The following SLCO6A1 variants were observed in gnomAD, a reference collection of about 807,000 sequenced individuals.
SLCO6A1 encodes solute carrier organic anion transporter family member 6A1.
Under a neutral mutation model 72.7 loss-of-function variants are expected in SLCO6A1, and 65 were observed. The ratio of observed to expected loss-of-function variants is 0.89; its 90% confidence interval spans 0.73 to 1.10. The LOEUF (loss-of-function observed/expected upper bound fraction) is 1.10. Among genes scored for constraint, SLCO6A1 ranks in the 50% least tolerant of loss-of-function variants. The pLI, the probability that SLCO6A1 is intolerant of heterozygous loss-of-function variation, is 0.00. For missense variants in SLCO6A1, 874 were observed against 872.6 expected, an observed-to-expected ratio of 1.00 and a Z score of -0.02; for synonymous variants, 314 against 298.2, an observed-to-expected ratio of 1.05 and a Z score of -0.55.
chr5:102,471,277 T>G (rs1376892422), intron 4 of SLCO6A1, among the ~76,000 whole-genome samples: 1 of 152,052 alleles, frequency 6.6e-6, no homozygotes, highest in Non-Finnish European at 1.5e-5. Context: ...TTTTCCAGTC[T>G]TGCTCTAAGT....
chr5:102,457,237 C>A (rs1032924124), intron 6 of SLCO6A1, among the ~76,000 whole-genome samples: 10 of 151,832 alleles, frequency 6.6e-5, no homozygotes, highest in Middle Eastern at 6.8e-3. Flanking sequence ...GCAACAAAAG[C>A]CAAAATTGAC....
intron 7 of SLCO6A1, among the ~76,000 whole-genome samples, chr5:102,420,934 G>C (rs1373754674): frequency 6.6e-6 from 1 of 152,102 alleles, no homozygotes; most frequent in East Asian, 1.9e-4. Context: ...ATCTCACCGG[G>C]ACTCATTAGA....
intron 10 of SLCO6A1, among the ~76,000 whole-genome samples, chr5:102,392,854 TC>T (rs963929774): frequency 1.3e-5 from 2 of 152,118 alleles, no homozygotes; most frequent in African/African-American, 4.8e-5. Flanking sequence ...TTAATCCATA[TC>T]TTTCTTATAA....
intron 1 of SLCO6A1, among the ~76,000 whole-genome samples, chr5:102,480,667 A>G (rs1162346138): frequency 6.6e-6 from 1 of 152,170 alleles, no homozygotes; most frequent in Non-Finnish European, 1.5e-5. Flanking sequence ...TCTCTGAGTA[A>G]TTTCCTAAAG....
At chr5:102,395,197 G>A (rs1262846222) in intron 10 of SLCO6A1, among the ~76,000 whole-genome samples, 1 of 132,724 alleles carries the variant, frequency 7.5e-6, no homozygotes, top group African/African-American at 2.8e-5. Flanking sequence ...CACCTCCCCC[G>A]ACCCCACAAC....
chr5:102,439,580 T>C (rs2112683238), intron 6 of SLCO6A1, among the ~76,000 whole-genome samples: 1 of 152,270 alleles, frequency 6.6e-6, no homozygotes, highest in East Asian at 1.9e-4. Flanking sequence ...CATAGTGTGA[T>C]TCTGCCATAT....
intron 12 of SLCO6A1, among the ~76,000 whole-genome samples, chr5:102,387,275 A>G (rs1008726672): frequency 6.6e-6 from 1 of 152,172 alleles, no homozygotes; most frequent in Non-Finnish European, 1.5e-5. Flanking sequence ...ACACATGCAT[A>G]ATGTTGCAGT....
At chr5:102,483,587 T>C (rs1752313560) in intron 1 of SLCO6A1, among the ~76,000 whole-genome samples, 1 of 152,212 alleles carries the variant, frequency 6.6e-6, no homozygotes, top group Non-Finnish European at 1.5e-5. Flanking sequence ...ATAGATTTTA[T>C]GTTAATCATT....
chr5:102,396,765 T>C (rs1350618962), intron 10 of SLCO6A1, among the ~76,000 whole-genome samples: 1 of 152,152 alleles, frequency 6.6e-6, no homozygotes, highest in Admixed American at 6.6e-5. Context: ...TTCTCCCAAC[T>C]TCTTCCAATA....
intron 4 of SLCO6A1, among the ~76,000 whole-genome samples, chr5:102,470,291 G>C (rs900635552): frequency 6.6e-6 from 1 of 152,040 alleles, no homozygotes; most frequent in Non-Finnish European, 1.5e-5. Context: ...TCTGGTCCTG[G>C]ACTTTTTTTG....
At chr5:102,397,520 G>A (rs1747154484) in intron 10 of SLCO6A1, among the ~76,000 whole-genome samples, 1 of 152,110 alleles carries the variant, frequency 6.6e-6, no homozygotes, top group Non-Finnish European at 1.5e-5. Context: ...TTTGCAAAAG[G>A]TGTATTTCCT....
chr5:102,449,770 C>G (rs1750314822), intron 6 of SLCO6A1, among the ~76,000 whole-genome samples: 1 of 152,160 alleles, frequency 6.6e-6, no homozygotes. Context: ...GCTCTTTCTC[C>G]CTGTCTTTCA....
intron 4 of SLCO6A1, among the ~76,000 whole-genome samples, chr5:102,463,338 C>T (rs564636647): frequency 2.0e-5 from 3 of 152,160 alleles, no homozygotes; most frequent in African/African-American, 7.2e-5. Flanking sequence ...TAAACTAGTA[C>T]GATCACTATG....
At chr5:102,414,907 G>GTAAA (rs201675961) in intron 8 of SLCO6A1, among the ~76,000 whole-genome samples, 1,048 of 60,154 alleles carry the variant, frequency 0.017, 9 homozygotes, top group Admixed American at 0.047. Context: ...AAGTAAGTAA[G>GTAAA]TAAATAAATA....
At chr5:102,427,860 ATATATTTTT>A (rs1204952164) in intron 7 of SLCO6A1, among the ~76,000 whole-genome samples, 120 of 99,414 alleles carry the variant, frequency 1.2e-3, no homozygotes, top group Middle Eastern at 4.5e-3. Flanking sequence ...ATATATATAT[ATATATTTTT>A]TTTTTTTTTT....
At chr5:102,490,017 C>G (rs1404082153) in intron 1 of SLCO6A1, among the ~76,000 whole-genome samples, 2 of 152,134 alleles carry the variant, frequency 1.3e-5, no homozygotes, top group Non-Finnish European at 2.9e-5. Flanking sequence ...TGTTCTCACT[C>G]ATATGTATAA....
At position 102,399,658 on chromosome 5, in the gene SLCO6A1, AT is replaced by A; in HGVS notation, c.1710del (p.Lys570AsnfsTer34). ...EGDFIDARPGKCDAKCYKLPL... is the reference protein window; with the variant it reads ...EGDFIDARPGXCDAKCYKLPL... The stretch of plus-strand genomic sequence containing the variant: ...GGTAACTTATAGCACTTTGCATCAC[AT>A]TTCCCGGGTCTGGCATCAATAAAAT... On this transcript the variant is annotated frameshift_variant, in exon 10 of 14. Coordinates refer to ENST00000506729, the MANE Select transcript of SLCO6A1 (RefSeq NM_173488.5). LOFTEE classifies it high-confidence loss of function. 1 of 1,610,218 alleles carries A rather than the reference AT, an allele frequency of 6.2e-7. No individual in the cohort carries two copies. The highest frequency in any genetic ancestry group is 8.5e-7 in the Non-Finnish European group (1 of 1,177,382).
chr5:102,482,821 T>C (rs1423326661), intron 1 of SLCO6A1, among the ~76,000 whole-genome samples: 1 of 152,202 alleles, frequency 6.6e-6, no homozygotes, highest in Non-Finnish European at 1.5e-5. Context: ...CATATCCAAA[T>C]AAATGGCTAA....
intron 4 of SLCO6A1, among the ~76,000 whole-genome samples, chr5:102,460,601 C>T (rs781188413): frequency 2.6e-5 from 4 of 151,950 alleles, no homozygotes; most frequent in East Asian, 3.9e-4. Context: ...AATACATAGA[C>T]GCCATTGTCT....
Sources: allele counts gnomAD v4.1 joint callset (sites outside exome capture counted in the v4.1 genomes callset), GRCh38; gene constraint gnomAD v4.1.1; transcripts MANE v1.5; gene names NCBI Gene and HGNC (gene_info 2026-07-23, HGNC 2026-07-21).